The following MSTO1 variants were observed in gnomAD, a reference collection of about 807,000 sequenced individuals.
MSTO1 encodes the protein protein misato homolog 1.
MSTO1 carries 24 observed loss-of-function variants against 55.7 expected under a neutral mutation model. The observed-to-expected ratio is 0.43, with a 90% CI of 0.31 to 0.61. MSTO1 has a LOEUF of 0.61. Among genes scored for constraint, MSTO1 ranks in the 20% least tolerant of loss-of-function variants. MSTO1 has a pLI of 0.09. For missense variants in MSTO1, 363 were observed against 625.7 expected, an observed-to-expected ratio of 0.58 and a Z score of 4.48; for synonymous variants, 162 against 252.8, an observed-to-expected ratio of 0.64 and a Z score of 3.41.
chr1:155,600,714 A>G, the MSTO1 span, among the ~76,000 whole-genome samples: 1 of 151,830 alleles, frequency 6.6e-6, no homozygotes, highest in South Asian at 2.1e-4. Flanking sequence ...CATCTGGCTA[A>G]TTTCTGTATT....
chr1:155,580,236 A>G, the MSTO1 span, among the ~76,000 whole-genome samples: 1,725 of 151,794 alleles, frequency 0.011, 12 homozygotes, highest in Middle Eastern at 0.068. Context: ...AAGAAAAAAA[A>G]AAAAAAGGGC....
chr1:155,600,556 C>CTTTTTTTTTTTTTTTTTTTT, the MSTO1 span, among the ~76,000 whole-genome samples: 3 of 149,884 alleles, frequency 2.0e-5, no homozygotes, highest in African/African-American at 7.5e-5. Flanking sequence ...TTTTTTCTTT[C>CTTTTTTTTTTTTTTTTTTTT]TTTTTTTTTG....
chr1:155,587,013 G>A, the MSTO1 span, among the ~76,000 whole-genome samples: 3 of 152,146 alleles, frequency 2.0e-5, no homozygotes, highest in Non-Finnish European at 4.4e-5. Flanking sequence ...CCCCCAAAGT[G>A]CTGGGATTAC....
At chr1:155,605,028 A>G in the MSTO1 span, among the ~76,000 whole-genome samples, 2 of 152,226 alleles carry the variant, frequency 1.3e-5, no homozygotes, top group Non-Finnish European at 2.9e-5. Flanking sequence ...TGGGAGGCTG[A>G]GGCAGGCGGA....
At chr1:155,611,511 G>T in intron 4 of MSTO1, 38 bp from the exon 5 acceptor site, 6 of 1,613,636 alleles carry the variant, frequency 3.7e-6, no homozygotes, top group Non-Finnish European at 5.1e-6. Flanking sequence ...CCTCTAAACT[G>T]CCTGGAACTA....
chr1:155,609,187 T>G (rs1673213921), upstream of MSTO1, among the ~76,000 whole-genome samples: 2 of 143,406 alleles, frequency 1.4e-5, no homozygotes, highest in African/African-American at 5.1e-5. Flanking sequence ...GCCCAAAAAT[T>G]GGAAACAATC....
At chr1:155,597,861 G>A in the MSTO1 span, among the ~76,000 whole-genome samples, 1 of 151,476 alleles carries the variant, frequency 6.6e-6, no homozygotes, top group Non-Finnish European at 1.5e-5. Flanking sequence ...CTGCTGCCCA[G>A]GCTGGAGTGC....
chr1:155,609,239 A>ATT (rs1323065032), upstream of MSTO1, among the ~76,000 whole-genome samples: 82 of 27,250 alleles, frequency 3.0e-3, no homozygotes, highest in East Asian at 9.3e-3. Flanking sequence ...ATATATATAT[A>ATT]TATATTTTTT....
the MSTO1 span, among the ~76,000 whole-genome samples, chr1:155,564,714 C>A: frequency 6.6e-6 from 1 of 152,338 alleles, no homozygotes; most frequent in African/African-American, 2.4e-5. Flanking sequence ...TTAGTTGCTT[C>A]ATGCGTGCAA....
the MSTO1 span, among the ~76,000 whole-genome samples, chr1:155,577,353 G>T: frequency 6.6e-6 from 1 of 152,106 alleles, no homozygotes. Context: ...CTCCCAAAGT[G>T]CTGGGATTAC....
chr1:155,579,777 A>C, the MSTO1 span, among the ~76,000 whole-genome samples: 4 of 152,158 alleles, frequency 2.6e-5, no homozygotes, highest in African/African-American at 9.7e-5. Context: ...TTCAATCCTT[A>C]GACTAGGTCG....
At chr1:155,611,147 A>G in intron 3 of MSTO1, 39 bp downstream of exon 3, 1 of 1,339,410 alleles carries the variant, frequency 7.5e-7, no homozygotes, top group Non-Finnish European at 1.0e-6. Flanking sequence ...GGGATCGTGT[A>G]TGTACGCAGA....
upstream of MSTO1, among the ~76,000 whole-genome samples, chr1:155,609,433 A>G (rs1357206503): frequency 6.7e-6 from 1 of 150,312 alleles, no homozygotes; most frequent in African/African-American, 2.4e-5. Context: ...TATTTTTAGT[A>G]GAGATGGGGT....
chr1:155,588,574 G>A, the MSTO1 span, among the ~76,000 whole-genome samples: 7 of 152,230 alleles, frequency 4.6e-5, no homozygotes, highest in South Asian at 4.1e-4. Context: ...TGCAAAGCCC[G>A]CACGAGATGC....
At chr1:155,583,957 C>G in the MSTO1 span, among the ~76,000 whole-genome samples, 1 of 152,172 alleles carries the variant, frequency 6.6e-6, no homozygotes, top group East Asian at 1.9e-4. Flanking sequence ...AAAAGGCAGG[C>G]AGGCCAGTAG....
chr1:155,611,469 C>T, intron 4 of MSTO1, 80 bp from the exon 5 acceptor site: 1 of 1,613,682 alleles, frequency 6.2e-7, no homozygotes, highest in Non-Finnish European at 8.5e-7. Flanking sequence ...GCGGTGTGGC[C>T]AGCCAACTCA....
At chr1:155,613,367 A>C (rs1674771189) in intron 11 of MSTO1, 95 bp from the exon 12 acceptor site, 44 of 1,582,278 alleles carry the variant, frequency 2.8e-5, no homozygotes, top group Non-Finnish European at 3.8e-5. Context: ...AGGGCTTTGA[A>C]TATCTTGATC....
chr1:155,568,150 G>A, the MSTO1 span, among the ~76,000 whole-genome samples: 2 of 150,598 alleles, frequency 1.3e-5, no homozygotes, highest in African/African-American at 2.5e-5. Flanking sequence ...CACGATCTGG[G>A]CTCACTGCAA....
chr1:155,576,185 T>C, the MSTO1 span, among the ~76,000 whole-genome samples: 6 of 152,098 alleles, frequency 3.9e-5, no homozygotes, highest in Non-Finnish European at 7.4e-5. Flanking sequence ...ATTATGGAGA[T>C]AAGTTAAGTT....
Sources: gnomAD v4.1 joint callset for allele counts (sites outside exome capture counted in the v4.1 genomes callset) on GRCh38, gnomAD v4.1.1 for gene constraint, MANE v1.5 for transcripts, NCBI Gene and HGNC (gene_info 2026-07-23, HGNC 2026-07-21) for gene names.